CDC34: variants seen among roughly 807,000 people sequenced by gnomAD.
CDC34 encodes the protein ubiquitin-conjugating enzyme E2 R1.
CDC34 carries 18 observed loss-of-function variants against 26.8 expected under a neutral mutation model. The observed-to-expected ratio is 0.67, with a 90% CI of 0.47 to 1.00. The LOEUF (loss-of-function observed/expected upper bound fraction) is 1.00, where lower values mean the gene tolerates loss of function less well. Ranked by LOEUF, CDC34 falls within the 50% of genes least tolerant of loss-of-function variation. CDC34 has a pLI of 0.00. For synonymous variants in CDC34, 178 were observed against 147.5 expected (o/e 1.21, Z -1.50); for missense variants, 280 against 334.5 (o/e 0.84, Z 1.27).
intron 1 of CDC34, among the ~76,000 whole-genome samples, 193 bp downstream of exon 1, chr19:532,301 G>T (rs1461591169): frequency 1.3e-5 from 2 of 152,236 alleles, no homozygotes; most frequent in African/African-American, 2.4e-5. Context: ...ACCGTCTCGG[G>T]GACCTTCAGC....
At chr19:541,118 T>C (rs1432993995) in intron 4 of CDC34, 3 of 567,252 alleles carry the variant, frequency 5.3e-6, no homozygotes, top group Non-Finnish European at 9.0e-6. Context: ...ACTGCGCCCG[T>C]CCAGCCTCCC....
At chr19:535,383 T>G (rs989981142) in intron 1 of CDC34, among the ~76,000 whole-genome samples, 1 of 152,190 alleles carries the variant, frequency 6.6e-6, no homozygotes, top group African/African-American at 2.4e-5. Flanking sequence ...GTGCTAACCC[T>G]CCCCACACCC....
chr19:536,547 G>A lies in CDC34; in HGVS notation c.362+207G>A, dbSNP rs940246241. 5 of 588,430 alleles carry A rather than the reference G, an allele frequency of 8.5e-6. No individual in the cohort carries two copies. The East Asian group carries it at 1.4e-4, about 17-fold the overall frequency. 36.5% of individuals were successfully genotyped at this position (588,430 alleles called of 1,614,324 possible). A position where few individuals can be genotyped will look rare whatever the true frequency, so the allele number is the denominator to read the frequency against. On this transcript the variant is annotated intron_variant, in intron 3 of 4. Coordinates refer to ENST00000215574, the MANE Select transcript of CDC34 (RefSeq NM_004359.2). Reference sequence around the variant, plus strand: ...GGGGCCTGCGGCACCGTGTGTCGGTGCAGACTCCCACCAGGACCCCAGGCC... The same window carrying A: ...GGGGCCTGCGGCACCGTGTGTCGGTACAGACTCCCACCAGGACCCCAGGCC...
chr19:535,723 T>G, intron 1 of CDC34, 114 bp from the exon 2 acceptor site: 1 of 827,404 alleles, frequency 1.2e-6, no homozygotes, highest in Non-Finnish European at 2.1e-6. Flanking sequence ...ACGGTGTCCC[T>G]CACACACACC....
At chr19:532,764 C>T (rs564310622) in intron 1 of CDC34, among the ~76,000 whole-genome samples, 2 of 152,342 alleles carry the variant, frequency 1.3e-5, no homozygotes, top group Non-Finnish European at 2.9e-5. Context: ...GGCTCCATCC[C>T]CTGCTTTATG....
At chr19:538,878 C>T in intron 4 of CDC34, 1 of 985,362 alleles carries the variant, frequency 1.0e-6, no homozygotes, top group African/African-American at 1.7e-5. Flanking sequence ...CCTGGCCGTC[C>T]CTCTGGTGCA....
chr19:536,713 G>C, intron 3 of CDC34: 1 of 535,552 alleles, frequency 1.9e-6, no homozygotes, highest in Non-Finnish European at 3.4e-6. Flanking sequence ...GCACTGGGCC[G>C]TGTTGCCCGT....
chr19:541,258 C>T (rs750241253), intron 4 of CDC34, 81 bp from the exon 5 acceptor site: 17 of 1,446,370 alleles, frequency 1.2e-5, no homozygotes, highest in South Asian at 9.8e-5. Context: ...TTGGGGTGAG[C>T]GTCGGACCTG....
chr19:536,230 T>G lies in CDC34; in HGVS notation c.265-13T>G. On this transcript the variant is annotated splice_polypyrimidine_tract_variant and intron_variant, in intron 2 of 4. Coordinates refer to ENST00000215574, the MANE Select transcript of CDC34 (RefSeq NM_004359.2). ...ACCTCTGACCTGTTCTGACCTGTCTTCTTCTTGTGCAGACGGGGGACGTGT... is the reference window on the plus strand; with the variant it reads ...ACCTCTGACCTGTTCTGACCTGTCTGCTTCTTGTGCAGACGGGGGACGTGT... The G allele has an allele frequency of 6.3e-7, 1 of 1,597,912 alleles. No individual in the cohort carries two copies. Among genetic ancestry groups the G allele is most frequent in the Non-Finnish European group, 8.5e-7 (1 of 1,171,908 alleles).
chr19:533,222 G>A (rs1979578187), intron 1 of CDC34, among the ~76,000 whole-genome samples: 1 of 152,084 alleles, frequency 6.6e-6, no homozygotes, highest in South Asian at 2.1e-4. Context: ...ACCCTGTCCA[G>A]GAATCTCCCC....
intron 4 of CDC34, among the ~76,000 whole-genome samples, chr19:539,540 C>T (rs1979917207): frequency 6.6e-6 from 1 of 152,226 alleles, no homozygotes; most frequent in African/African-American, 2.4e-5. Context: ...ACGCGTCATG[C>T]ATCCCCATAA....
rs564165909 is a variant in CDC34, at chr19:532,350, G to A, written c.177+242G>A. ...CTCGAAAATCCCCAGTTCCCTTCAA[G>A]GCATCGTCCGGTCCCCTGTTAGGCT... On this transcript the variant is annotated intron_variant, in intron 1 of 4. Coordinates refer to ENST00000215574, the MANE Select transcript of CDC34 (RefSeq NM_004359.2). 3.9e-5 allele frequency among the ~76,000 whole-genome samples: 6 copies of A among 152,332 alleles called. No homozygotes were observed. In the South Asian group the frequency reaches 1.2e-3, roughly 32 times the overall value.
Position 537,050 on chromosome 19 carries a change from C to G in CDC34, c.400C>G (p.Pro134Ala). 6.2e-7 allele frequency: 1 copy of G among 1,613,890 alleles called. No individual in the cohort carries two copies. The highest frequency in any genetic ancestry group is 8.5e-7 in the Non-Finnish European group (1 of 1,179,996). Residue 134 changes from proline (P) to alanine (A), a missense_variant, in exon 4 of 5, where the codon CCC becomes GCC. Pro to Ala is a conservative substitution (Grantham distance 27, BLOSUM62 -1). Transcript: ENST00000215574. Reference sequence around the variant, plus strand: ...GAGTGTGATCTCCCTCCTGAACGAGCCCAACACCTTCTCGCCCGCAAACGT... The same window carrying G: ...GAGTGTGATCTCCCTCCTGAACGAGGCCAACACCTTCTCGCCCGCAAACGT... ...LLSVISLLNE[P>A]NTFSPANVDA...
chr19:533,179 C>T (rs558182313), intron 1 of CDC34, among the ~76,000 whole-genome samples: 1 of 152,244 alleles, frequency 6.6e-6, no homozygotes, highest in African/African-American at 2.4e-5. Context: ...AGGGACAAAG[C>T]GAGGGGCCCT....
chr19:539,373 C>T (rs1265238204), intron 4 of CDC34, among the ~76,000 whole-genome samples: 1 of 151,808 alleles, frequency 6.6e-6, no homozygotes, highest in African/African-American at 2.4e-5. Context: ...CACCCTGGCC[C>T]TCCCCTGCGT....
At chr19:536,390 G>T in intron 3 of CDC34, 50 bp downstream of exon 3, 1 of 1,387,874 alleles carries the variant, frequency 7.2e-7, no homozygotes, top group Non-Finnish European at 9.9e-7. Flanking sequence ...GGTAGGCCGG[G>T]CTCCGTCCCG....
At chr19:536,440 G>A in intron 3 of CDC34, 100 bp downstream of exon 3, 1 of 886,164 alleles carries the variant, frequency 1.1e-6, no homozygotes. Flanking sequence ...CTCCCCCACA[G>A]GCTGTGGCGC....
At position 541,474 on chromosome 19, in the gene CDC34, CGAGGACGGCGAGGTGGAG is replaced by C. The variant is rs1980013180; in HGVS notation, c.639_656del (p.Asp213_Glu218del). 1.9e-6 allele frequency: 3 copies of C among 1,611,980 alleles called. No individual in the cohort carries two copies. The highest frequency in any genetic ancestry group is 2.5e-6 in the Non-Finnish European group (3 of 1,179,434). On this transcript the variant is annotated inframe_deletion, in exon 5 of 5. Coordinates refer to ENST00000215574, the MANE Select transcript of CDC34 (RefSeq NM_004359.2). ...CAGACCTCTTCTACGACGACTACTA[CGAGGACGGCGAGGTGGAG>C]GAGGAGGCCGACAGCTGCTTCGGGG...
chr19:538,203 C>T (rs1979850636), intron 4 of CDC34, among the ~76,000 whole-genome samples: 2 of 152,220 alleles, frequency 1.3e-5, no homozygotes, highest in South Asian at 2.1e-4. Flanking sequence ...GACTGTTAGT[C>T]AGGGGTGTTG....
Sources: gnomAD v4.1 joint callset for allele counts (sites outside exome capture counted in the v4.1 genomes callset) on GRCh38, gnomAD v4.1.1 for gene constraint, MANE v1.5 for transcripts, NCBI Gene and HGNC (gene_info 2026-07-23, HGNC 2026-07-21) for gene names.